The following AAMDC variants were observed in gnomAD, a reference collection of about 807,000 sequenced individuals.
AAMDC encodes adipogenesis associated Mth938 domain containing, also known as mth938 domain-containing protein.
A neutral mutation model predicts 15.5 loss-of-function variants in AAMDC; 16 were observed. The observed-to-expected ratio is 1.03, with a 90% confidence interval of 0.70 to 1.57. The LOEUF (loss-of-function observed/expected upper bound fraction) is 1.57. Among genes scored for constraint, AAMDC ranks in the 40% most tolerant of loss-of-function variants. AAMDC has a pLI of 0.00. For missense variants in AAMDC, 141 were observed against 144.9 expected (o/e 0.97, Z 0.14); for synonymous variants, 51 against 51.6 (o/e 0.99, Z 0.05).
At chr11:77,867,211 C>T (rs929047628) in intron 2 of AAMDC, among the ~76,000 whole-genome samples, 2 of 152,156 alleles carry the variant, frequency 1.3e-5, no homozygotes, top group African/African-American at 2.4e-5. Flanking sequence ...AACTGGAAAA[C>T]GCTTCTTTCT....
At chr11:77,881,047 G>A (rs1449250410) in intron 5 of AAMDC, among the ~76,000 whole-genome samples, 1 of 152,196 alleles carries the variant, frequency 6.6e-6, no homozygotes, top group Non-Finnish European at 1.5e-5. Flanking sequence ...CATTTGATAA[G>A]AATGGCAATT....
At chr11:77,896,766 T>A (rs1223611562) in intron 5 of AAMDC, among the ~76,000 whole-genome samples, 1 of 147,324 alleles carries the variant, frequency 6.8e-6, no homozygotes, top group African/African-American at 2.5e-5. Flanking sequence ...ACATTTAGTA[T>A]AACAGACTAG....
At chr11:77,843,435 C>T (rs1482011232) in intron 2 of AAMDC, among the ~76,000 whole-genome samples, 2 of 152,132 alleles carry the variant, frequency 1.3e-5, no homozygotes, top group Non-Finnish European at 2.9e-5. Context: ...AGTCCTGCTC[C>T]TCCTGGGAAG....
intron 2 of AAMDC, among the ~76,000 whole-genome samples, chr11:77,866,909 C>CA (rs1951141811): frequency 6.6e-6 from 1 of 151,928 alleles, no homozygotes; most frequent in Non-Finnish European, 1.5e-5. Context: ...GGCACAATCT[C>CA]AGCTCACTGC....
rs185216394 is a variant in AAMDC, at chr11:77,848,427, G to A, written c.132+5799G>A. On this transcript the variant is annotated intron_variant, in intron 2 of 3. Transcript: ENST00000393427. ...AGGCTGGAGTGCAGGGCGTGATCTCGGCACACTGCCACCTCTGCCTCCCAG... is the reference window on the plus strand; with the variant it reads ...AGGCTGGAGTGCAGGGCGTGATCTCAGCACACTGCCACCTCTGCCTCCCAG... 5.0e-3 allele frequency among the ~76,000 whole-genome samples: 758 copies of A among 150,644 alleles called. 10 individuals are homozygous for A. Among genetic ancestry groups the A allele is most frequent in the African/African-American group, 0.017 (712 of 41,010 alleles).
chr11:77,889,954 T>TA (rs540698598), intron 5 of AAMDC, among the ~76,000 whole-genome samples: 125 of 152,334 alleles, frequency 8.2e-4, no homozygotes, highest in African/African-American at 2.8e-3. Flanking sequence ...AGGGACAATG[T>TA]AAAACAGTAG....
chr11:77,858,130 C>A (rs1014450955), intron 2 of AAMDC, among the ~76,000 whole-genome samples: 1 of 151,530 alleles, frequency 6.6e-6, no homozygotes, highest in African/African-American at 2.4e-5. Context: ...GCAATCCTGT[C>A]GCGTCAGCCT....
downstream of AAMDC, among the ~76,000 whole-genome samples, chr11:77,875,740 TA>T (rs1241257471): frequency 6.6e-6 from 1 of 152,140 alleles, no homozygotes; most frequent in Non-Finnish European, 1.5e-5. Flanking sequence ...TCCAAGCCCA[TA>T]AGAGACACAG....
intron 5 of AAMDC, among the ~76,000 whole-genome samples, chr11:77,885,366 C>G (rs1391974489): frequency 6.6e-6 from 1 of 152,060 alleles, no homozygotes; most frequent in Admixed American, 6.6e-5. Context: ...CGTGAGCCAC[C>G]ACACCTGGCC....
At chr11:77,899,431 G>C (rs1410826650) in intron 5 of AAMDC, among the ~76,000 whole-genome samples, 1 of 152,074 alleles carries the variant, frequency 6.6e-6, no homozygotes, top group Non-Finnish European at 1.5e-5. Context: ...TAGCACTCTG[G>C]GAGGCCGAGT....
intron 5 of AAMDC, among the ~76,000 whole-genome samples, chr11:77,879,432 CT>C (rs1951707543): frequency 6.6e-6 from 1 of 152,174 alleles, no homozygotes. Flanking sequence ...GGCTCAAATT[CT>C]TATGCAGGTG....
At chr11:77,854,204 G>C (rs1262540953) in intron 2 of AAMDC, among the ~76,000 whole-genome samples, 1 of 151,966 alleles carries the variant, frequency 6.6e-6, no homozygotes, top group African/African-American at 2.4e-5. Flanking sequence ...GTGTTAGCCA[G>C]GATTGGCTCG....
At chr11:77,860,885 T>C (rs1262216337) in intron 2 of AAMDC, among the ~76,000 whole-genome samples, 2 of 152,194 alleles carry the variant, frequency 1.3e-5, no homozygotes. Flanking sequence ...GCCTCACTGA[T>C]AATCCTGAGA....
intron 1 of AAMDC, among the ~76,000 whole-genome samples, chr11:77,823,019 T>C (rs957707617): frequency 1.3e-5 from 2 of 151,922 alleles, no homozygotes; most frequent in African/African-American, 2.4e-5. Context: ...ATCAAGACCA[T>C]CCTGGCTAAC....
intron 3 of AAMDC, chr11:77,870,024 A>G (rs1348817464): frequency 7.7e-6 from 3 of 392,100 alleles, no homozygotes; most frequent in Non-Finnish European, 1.4e-5. Context: ...TGTCATTTCA[A>G]CTATTTCTCA....
intron 5 of AAMDC, among the ~76,000 whole-genome samples, chr11:77,886,964 T>A (rs1325256122): frequency 6.7e-6 from 1 of 150,352 alleles, no homozygotes; most frequent in African/African-American, 2.5e-5. Flanking sequence ...TAGAGGGAAA[T>A]TTATAGCACT....
At chr11:77,872,386 A>C, downstream of AAMDC, 1 of 1,518,210 alleles carries the variant, frequency 6.6e-7, no homozygotes, top group Non-Finnish European at 8.8e-7. Flanking sequence ...TCTCCAAACC[A>C]GCCTCCCCTA....
intron 1 of AAMDC, among the ~76,000 whole-genome samples, chr11:77,834,774 A>C (rs1201813121): frequency 1.3e-5 from 2 of 152,186 alleles, no homozygotes; most frequent in East Asian, 1.9e-4. Context: ...AAGTACTTGC[A>C]GAAGAATGTT....
intron 1 of AAMDC, chr11:77,830,063 T>G (rs1949351305): frequency 6.6e-6 from 1 of 152,202 alleles, no homozygotes; most frequent in Admixed American, 6.5e-5. Flanking sequence ...CCCAGGATTT[T>G]GAGGCTGTGG....
Sources: allele counts gnomAD v4.1 joint callset (sites outside exome capture counted in the v4.1 genomes callset), GRCh38; gene constraint gnomAD v4.1.1; transcripts MANE v1.5; gene names NCBI Gene and HGNC (gene_info 2026-07-23, HGNC 2026-07-21).